The following HAAO variants were observed in gnomAD, a reference collection of about 807,000 sequenced individuals.
HAAO encodes the protein 3-hydroxyanthranilate 3,4-dioxygenase.
A neutral mutation model predicts 46.2 loss-of-function variants in HAAO; 49 were observed. The observed-to-expected ratio is 1.06, with a 90% CI of 0.84 to 1.34. The LOEUF (loss-of-function observed/expected upper bound fraction) is 1.34, where lower values mean the gene tolerates loss of function less well. HAAO is among the 40% of genes most tolerant of loss of function. The probability of loss-of-function intolerance (pLI) is 0.00; values close to 1 mark genes in which losing one functional copy is unlikely to be tolerated. For synonymous variants in HAAO, 157 were observed against 145.2 expected (o/e 1.08, Z -0.58); for missense variants, 408 against 364.5 (o/e 1.12, Z -0.97).
intron 4 of HAAO, chr2:42,783,107 A>C: frequency 1.7e-6 from 1 of 583,076 alleles, no homozygotes; most frequent in Non-Finnish European, 3.1e-6. Context: ...AGGGGGTCAC[A>C]GAGAACAGAA....
chr2:42,786,568 T>C (rs1266713406), intron 2 of HAAO, among the ~76,000 whole-genome samples: 2 of 152,188 alleles, frequency 1.3e-5, no homozygotes, highest in Non-Finnish European at 2.9e-5. Context: ...ACAGGGGCTG[T>C]TGTCCCCATG....
intron 1 of HAAO, among the ~76,000 whole-genome samples, chr2:42,791,020 C>T (rs994094410): frequency 7.9e-5 from 12 of 152,182 alleles, no homozygotes; most frequent in Non-Finnish European, 1.3e-4. Flanking sequence ...TCTCACCTTG[C>T]TGAATAGTAA....
chr2:42,790,329 T>G (rs1463625942), intron 1 of HAAO, among the ~76,000 whole-genome samples: 1 of 151,926 alleles, frequency 6.6e-6, no homozygotes, highest in Non-Finnish European at 1.5e-5. Context: ...AACTTAAAGC[T>G]GCATAGAGCT....
intron 4 of HAAO, among the ~76,000 whole-genome samples, chr2:42,781,138 C>T (rs760784317): frequency 5.3e-5 from 8 of 151,978 alleles, no homozygotes; most frequent in Non-Finnish European, 8.8e-5. Flanking sequence ...ATTTTTTTCT[C>T]TCTACCTGAT....
intron 1 of HAAO, among the ~76,000 whole-genome samples, chr2:42,789,975 G>C (rs1484938796): frequency 6.6e-6 from 1 of 152,212 alleles, no homozygotes; most frequent in African/African-American, 2.4e-5. Flanking sequence ...CTCTGGGAAG[G>C]GGAGGCGCTG....
chr2:42,781,110 G>T (rs1440549660), intron 4 of HAAO, among the ~76,000 whole-genome samples: 1 of 151,958 alleles, frequency 6.6e-6, no homozygotes, highest in Non-Finnish European at 1.5e-5. Flanking sequence ...ATACTCCCAT[G>T]AACAAAATTT....
intron 1 of HAAO, among the ~76,000 whole-genome samples, chr2:42,790,940 A>G (rs532420237): frequency 2.0e-4 from 30 of 152,332 alleles, no homozygotes; most frequent in African/African-American, 6.7e-4. Context: ...GTCAGAATGC[A>G]TAAACCAGAC....
In HAAO at chr2:42,792,519, T is replaced by G; in HGVS notation, c.18A>C (p.Gly6=). The part of the protein sequence containing the change: MERRL[G]VRAWVKENRG... ...GGTTCTCCTTCACCCAGGCCCTCAC[T>G]CCCAGGCGGCGCTCCATGACTGTCC... The change falls in exon 1 of 10, where the codon GGA becomes GGC. Residue 6 remains glycine, a synonymous_variant. Transcript: ENST00000294973. 6.3e-7 allele frequency: 1 copy of G among 1,591,458 alleles called. No homozygotes were observed. Among genetic ancestry groups the G allele is most frequent in the South Asian group, 1.1e-5 (1 of 88,830 alleles).
intron 4 of HAAO, among the ~76,000 whole-genome samples, chr2:42,772,682 G>T (rs1671227791): frequency 6.6e-6 from 1 of 151,896 alleles, no homozygotes; most frequent in Admixed American, 6.6e-5. Flanking sequence ...TTAGTAACAA[G>T]TAATTTTAAT....
Position 42,767,501 on chromosome 2 carries a change from C to A in HAAO, c.797G>T (p.Arg266Leu). 1 of 1,612,106 alleles carries A rather than the reference C, an allele frequency of 6.2e-7. No homozygotes were observed. The highest frequency in any genetic ancestry group is 8.5e-7 in the Non-Finnish European group (1 of 1,179,070). The change falls in exon 10 of 10, where the codon CGA becomes CTA. Residue 266 changes from arginine (R) to leucine (L), a missense_variant. Arg to Leu is a moderately radical substitution (Grantham distance 102). Coordinates refer to ENST00000294973, the MANE Select transcript of HAAO (RefSeq NM_012205.3). ...AGACAGGGCCACAGAGCCTTGTGTT[C>A]GCTCCCAGGCATACCTGTGGACACA... is the stretch of plus-strand genomic sequence containing the variant. Reference protein sequence around the residue: ...VLAGTSYAWERTQGSVALSVT... With the variant: ...VLAGTSYAWELTQGSVALSVT...
At chr2:42,783,044 A>G (rs145657706) in intron 4 of HAAO, 102 of 531,242 alleles carry the variant, frequency 1.9e-4, no homozygotes, top group African/African-American at 1.8e-3. Flanking sequence ...AACCTCACGC[A>G]GAAAGCACAG....
In HAAO at chr2:42,767,426, T is replaced by C; in HGVS notation, c.*11A>G. ...GCACACCTGTGGCTGCTTCAGGCCA[T>C]GGCAAGAGGGTCACCCCAGGGGCTT... On this transcript the variant is annotated 3_prime_UTR_variant, in exon 10 of 10. Transcript: ENST00000294973. 1.2e-6 allele frequency: 2 copies of C among 1,603,850 alleles called. No homozygotes were observed. The highest frequency in any genetic ancestry group is 1.7e-6 in the Non-Finnish European group (2 of 1,172,370).
intron 4 of HAAO, among the ~76,000 whole-genome samples, chr2:42,776,633 CTT>C (rs1219622958): frequency 1.8e-4 from 24 of 134,068 alleles, no homozygotes; most frequent in Non-Finnish European, 2.1e-4. Context: ...GAGTTGTTTC[CTT>C]TTTTTTTTTT....
intron 2 of HAAO, 63 bp from the exon 3 acceptor site, chr2:42,783,930 C>A: frequency 6.4e-7 from 1 of 1,560,790 alleles, no homozygotes; most frequent in South Asian, 1.2e-5. Context: ...TGGCCACTGC[C>A]CAGGCCCTGA....
intron 4 of HAAO, among the ~76,000 whole-genome samples, chr2:42,773,034 T>A (rs575490499): frequency 1.0e-3 from 158 of 151,582 alleles, no homozygotes; most frequent in African/African-American, 3.5e-3. Context: ...AGGAAAAGAA[T>A]TGGGTGACTG....
intron 1 of HAAO, 21 bp from the exon 2 acceptor site, chr2:42,788,628 G>C: frequency 7.2e-7 from 1 of 1,389,072 alleles, no homozygotes; most frequent in South Asian, 1.2e-5. Flanking sequence ...CAAAGTGGGG[G>C]AGACGTTCTA....
intron 4 of HAAO, among the ~76,000 whole-genome samples, chr2:42,774,359 C>T (rs970322420): frequency 6.6e-6 from 1 of 152,222 alleles, no homozygotes; most frequent in African/African-American, 2.4e-5. Flanking sequence ...TTGGTACCCG[C>T]GTGAGCTAAC....
At chr2:42,780,486 G>A (rs1361889465) in intron 4 of HAAO, among the ~76,000 whole-genome samples, 23 of 151,778 alleles carry the variant, frequency 1.5e-4, no homozygotes, top group East Asian at 2.0e-4. Flanking sequence ...GATTACAGGC[G>A]TGAGCCACCG....
intron 4 of HAAO, among the ~76,000 whole-genome samples, chr2:42,779,220 T>A (rs1397180694): frequency 6.6e-6 from 1 of 152,204 alleles, no homozygotes; most frequent in Non-Finnish European, 1.5e-5. Context: ...TTAAAAAGGT[T>A]TTATTGAAGC....
Sources: gnomAD v4.1 joint callset for allele counts (sites outside exome capture counted in the v4.1 genomes callset) on GRCh38, gnomAD v4.1.1 for gene constraint, MANE v1.5 for transcripts, NCBI Gene and HGNC (gene_info 2026-07-23, HGNC 2026-07-21) for gene names.